Variants in SEC24C observed in about 807,000 individuals in gnomAD.
The protein encoded by SEC24C is SEC24 homolog C, COPII component.
SEC24C carries 22 observed loss-of-function variants against 117.0 expected under a neutral mutation model. That is an observed-to-expected ratio of 0.19 (90% confidence interval 0.13 to 0.27). The LOEUF is 0.27. Among genes scored for constraint, SEC24C ranks in the 10% least tolerant of loss-of-function variants. SEC24C has a pLI of 1.00. For synonymous variants in SEC24C, 506 were observed against 529.4 expected (o/e 0.96, Z 0.61); for missense variants, 1,155 against 1,375.1 (o/e 0.84, Z 2.53).
intron 2 of SEC24C, 111 bp from the exon 3 acceptor site, chr10:73,750,996 TG>T: frequency 9.0e-7 from 1 of 1,117,000 alleles, no homozygotes; most frequent in Non-Finnish European, 1.3e-6. Flanking sequence ...GCCTAAACTG[TG>T]GTATTGGGCC....
intron 6 of SEC24C, 60 bp from the exon 7 acceptor site, chr10:73,763,430 A>T: frequency 8.5e-7 from 1 of 1,181,096 alleles, no homozygotes; most frequent in South Asian, 1.2e-5. Flanking sequence ...CACTCTTGGC[A>T]CTCTGGGACC....
At chr10:73,765,094 T>C (rs187569902) in intron 8 of SEC24C, among the ~76,000 whole-genome samples, 13 of 152,200 alleles carry the variant, frequency 8.5e-5, no homozygotes, top group African/African-American at 2.9e-4. Context: ...AGAGCAAGAG[T>C]GAAGGGCATT....
chr10:73,752,934 A>C (rs762263633), intron 3 of SEC24C, among the ~76,000 whole-genome samples: 2 of 152,220 alleles, frequency 1.3e-5, no homozygotes, highest in African/African-American at 2.4e-5. Flanking sequence ...GAAGAAATAG[A>C]ACTTTGCCAC....
At chr10:73,770,874 G>T in intron 22 of SEC24C, 76 bp downstream of exon 22, 3 of 1,612,736 alleles carry the variant, frequency 1.9e-6, no homozygotes, top group Non-Finnish European at 2.5e-6. Flanking sequence ...TGGGGAATGA[G>T]TAAGTGACTG....
intron 3 of SEC24C, among the ~76,000 whole-genome samples, chr10:73,752,871 T>C (rs568711802): frequency 3.8e-4 from 58 of 152,028 alleles, no homozygotes; most frequent in Non-Finnish European, 6.5e-4. Flanking sequence ...AGCATATGCC[T>C]TAGTAAATTA....
At chr10:73,757,313 C>T (rs1208557647) in intron 3 of SEC24C, among the ~76,000 whole-genome samples, 1 of 147,114 alleles carries the variant, frequency 6.8e-6, no homozygotes, top group Non-Finnish European at 1.5e-5. Flanking sequence ...CACTTGAGGC[C>T]AGAAGTTTTA....
In SEC24C at chr10:73,750,807, C is replaced by A. The variant is rs1273649438; in HGVS notation, c.173-301C>A. ...GGCTTGTTGTCTAGGGTAAGAATATCAGGCAGTCTTGGATTGACTGAGAGT... is the reference window on the plus strand; with the variant it reads ...GGCTTGTTGTCTAGGGTAAGAATATAAGGCAGTCTTGGATTGACTGAGAGT... On this transcript the variant is annotated intron_variant, in intron 2 of 22. Coordinates refer to ENST00000345254, the MANE Select transcript of SEC24C (RefSeq NM_198597.3). Among the ~76,000 whole-genome samples the A allele has an allele frequency of 2.6e-5, 4 of 152,126 alleles. No individual in the cohort carries two copies. In the South Asian group the frequency reaches 8.3e-4, roughly 32 times the overall value.
chr10:73,764,028 A>G (rs1440619983), intron 8 of SEC24C, 45 bp downstream of exon 8: 2 of 1,545,940 alleles, frequency 1.3e-6, no homozygotes, highest in East Asian at 2.4e-5. Context: ...GGAGGGAGGT[A>G]GAGAGGGGTC....
In SEC24C at chr10:73,760,037, T is replaced by G; in HGVS notation, c.501T>G (p.Ala167=). 1.3e-6 allele frequency: 2 copies of G among 1,586,042 alleles called. No individual in the cohort carries two copies. The highest frequency in any genetic ancestry group is 1.7e-6 in the Non-Finnish European group (2 of 1,162,428). ...TCTCAGGCCCACCAACATCGCTGGC[T>G]TCAGCCTCAGGAAGTTTCCCTAACT... ...GLGFGPPTSL[A]SASGSFPNSG... The change falls in exon 5 of 23, where the codon GCT becomes GCG. Residue 167 remains alanine, a synonymous_variant. Transcript: ENST00000345254.
At chr10:73,745,320 A>G (rs1273034514) in intron 1 of SEC24C, among the ~76,000 whole-genome samples, 2 of 152,004 alleles carry the variant, frequency 1.3e-5, no homozygotes, top group African/African-American at 2.4e-5. Context: ...GCTGAGATTC[A>G]TAACAATCGT....
Position 73,766,745 on chromosome 10 carries a change from C to T in SEC24C, c.1800-15C>T. 1 of 1,610,768 alleles carries T rather than the reference C, an allele frequency of 6.2e-7. No individual in the cohort carries two copies. The highest frequency in any genetic ancestry group is 8.5e-7 in the Non-Finnish European group (1 of 1,177,126). On this transcript the variant is annotated splice_polypyrimidine_tract_variant and intron_variant, in intron 12 of 22. Transcript: ENST00000345254. ...TATAGCAATTTTGGTTGTTTTCCGT[C>T]ACCTATCTCTTTAGCTTATTGGATC...
intron 3 of SEC24C, among the ~76,000 whole-genome samples, chr10:73,758,542 C>A (rs769373688): frequency 2.0e-5 from 3 of 152,124 alleles, no homozygotes; most frequent in Non-Finnish European, 4.4e-5. Context: ...TCTTTAACTA[C>A]CCCTGTTTAG....
In SEC24C at chr10:73,760,866, A is replaced by G. The variant is rs2082787228; in HGVS notation, c.987+17A>G. ...CCAAGCCCTGTAAGTAGAAACTTTCATGGTCCTGAGGAAGGGTTTGTGTCT... is the reference window on the plus strand; with the variant it reads ...CCAAGCCCTGTAAGTAGAAACTTTCGTGGTCCTGAGGAAGGGTTTGTGTCT... On this transcript the variant is annotated intron_variant, in intron 6 of 22. Coordinates refer to ENST00000345254, the MANE Select transcript of SEC24C (RefSeq NM_198597.3). 1 of 1,602,116 alleles carries G rather than the reference A, an allele frequency of 6.2e-7. No homozygotes were observed. Among genetic ancestry groups the G allele is most frequent in the South Asian group, 1.1e-5 (1 of 89,418 alleles).
rs1182612500 is a variant in SEC24C at position 73,769,587 on chromosome 10, C to T, written c.2564-28C>T. 1 of 1,613,004 alleles carries T rather than the reference C, an allele frequency of 6.2e-7. No homozygotes were observed. Among genetic ancestry groups the T allele is most frequent in the Non-Finnish European group, 8.5e-7 (1 of 1,179,086 alleles). On this transcript the variant is annotated intron_variant, in intron 18 of 22. Transcript: ENST00000345254. This position sits in a 1 kb window ranked among gnomAD's most constrained non-coding sequence, Gnocchi z 4.5. ...AATGCACACATGATGGGCAGCTGACCAGTGACTATCTTTGCTTTCCCATCC... is the reference window on the plus strand; with the variant it reads ...AATGCACACATGATGGGCAGCTGACTAGTGACTATCTTTGCTTTCCCATCC...
intron 3 of SEC24C, among the ~76,000 whole-genome samples, chr10:73,755,732 T>G (rs1244908408): frequency 6.6e-6 from 1 of 151,930 alleles, no homozygotes; most frequent in Non-Finnish European, 1.5e-5. Context: ...CTGAAAACCC[T>G]CTGCTACCAA....
At chr10:73,753,514 TA>T (rs1184634461) in intron 3 of SEC24C, among the ~76,000 whole-genome samples, 1 of 152,144 alleles carries the variant, frequency 6.6e-6, no homozygotes, top group Non-Finnish European at 1.5e-5. Context: ...CTACAAAAAA[TA>T]AAATGTTAGC....
intron 3 of SEC24C, among the ~76,000 whole-genome samples, chr10:73,753,771 C>CT (rs2082674374): frequency 6.6e-6 from 1 of 152,224 alleles, no homozygotes; most frequent in Admixed American, 6.5e-5. Context: ...AGCTCCACCT[C>CT]TGTCTTCTTT....
intron 2 of SEC24C, 75 bp from the exon 3 acceptor site, chr10:73,751,033 T>G (rs2082634751): frequency 2.4e-5 from 37 of 1,530,516 alleles, no homozygotes; most frequent in East Asian, 6.8e-5. Context: ...TTATTGATCC[T>G]TGCTTTGCAT....
intron 6 of SEC24C, among the ~76,000 whole-genome samples, 159 bp downstream of exon 6, chr10:73,761,008 AG>A (rs758663340): frequency 9.9e-5 from 15 of 152,156 alleles, no homozygotes; most frequent in Non-Finnish European, 1.5e-4. Flanking sequence ...CTGGAACTTG[AG>A]GTTCTAGGAG....
Sources: gnomAD v4.1 joint callset for allele counts (sites outside exome capture counted in the v4.1 genomes callset) on GRCh38, gnomAD v4.1.1 for gene constraint, Gnocchi (gnomAD v3.1) non-coding constraint, MANE v1.5 for transcripts, NCBI Gene and HGNC (gene_info 2026-07-23, HGNC 2026-07-21) for gene names.